The following STAG1 variants were observed in gnomAD, a reference collection of about 807,000 sequenced individuals.
The protein encoded by STAG1 is STAG1 cohesin complex component, also known as cohesin subunit SA-1.
STAG1 carries 26 observed loss-of-function variants against 170.9 expected under a neutral mutation model. That is an observed-to-expected ratio of 0.15 (90% CI 0.11 to 0.21). The LOEUF is 0.21. Ranked by LOEUF, STAG1 falls within the 10% of genes least tolerant of loss-of-function variation. STAG1 has a pLI of 1.00. For synonymous variants in STAG1, 514 were observed against 497.7 expected, an observed-to-expected ratio of 1.03 and a Z score of -0.44; for missense variants, 964 against 1,509.5, an observed-to-expected ratio of 0.64 and a Z score of 5.99.
intron 10 of STAG1, among the ~76,000 whole-genome samples, chr3:136,476,397 G>T (rs764179863): frequency 6.6e-6 from 1 of 152,204 alleles, no homozygotes; most frequent in Non-Finnish European, 1.5e-5. Flanking sequence ...CACAATAATT[G>T]CAATAGGCAG....
chr3:136,646,719 A>AAG (rs1941030795), intron 1 of STAG1, among the ~76,000 whole-genome samples: 1 of 152,128 alleles, frequency 6.6e-6, no homozygotes, highest in Non-Finnish European at 1.5e-5. Flanking sequence ...CAGCCTGGCC[A>AAG]ACATGGTGAA....
intron 1 of STAG1, among the ~76,000 whole-genome samples, chr3:136,711,056 G>GA (rs995028492): frequency 6.7e-6 from 1 of 148,232 alleles, no homozygotes; most frequent in Non-Finnish European, 1.5e-5. Flanking sequence ...CTTACAAAAA[G>GA]AAAAATATAT....
At chr3:136,495,670 T>TA (rs71626003) in intron 9 of STAG1, among the ~76,000 whole-genome samples, 55,244 of 151,238 alleles carry the variant, frequency 0.37, 11,134 homozygotes, top group African/African-American at 0.53. Context: ...CCGCCTCTAT[T>TA]AAAAATACAA....
intron 10 of STAG1, among the ~76,000 whole-genome samples, chr3:136,476,057 A>C (rs1481384240): frequency 6.6e-6 from 1 of 152,170 alleles, no homozygotes; most frequent in Non-Finnish European, 1.5e-5. Flanking sequence ...ATGCAGTGAG[A>C]ATCTTGAACT....
intron 4 of STAG1, among the ~76,000 whole-genome samples, chr3:136,575,103 C>T (rs926594903): frequency 4.6e-5 from 7 of 152,018 alleles, no homozygotes; most frequent in African/African-American, 1.7e-4. Flanking sequence ...CTGTTGAATC[C>T]ACCTACAGTA....
At position 136,488,229 on chromosome 3, in the gene STAG1, T is replaced by G. The variant is rs1323332864; in HGVS notation, c.903-10817A>C. ...CCTCCACCTCCTGGGTTCAAGTGAT[T>G]CTCCTGCCTCAGCCTCCCGAGTAGC... On this transcript the variant is annotated intron_variant, in intron 9 of 33. Coordinates refer to ENST00000383202, the MANE Select transcript of STAG1 (RefSeq NM_005862.3). 2.0e-5 allele frequency among the ~76,000 whole-genome samples: 3 copies of G among 152,214 alleles called. No homozygotes were observed. In the East Asian group the frequency reaches 5.8e-4, roughly 29 times the overall value.
intron 15 of STAG1, among the ~76,000 whole-genome samples, chr3:136,441,813 T>C (rs1424260449): frequency 6.6e-6 from 1 of 152,062 alleles, no homozygotes; most frequent in African/African-American, 2.4e-5. Context: ...CACAAGGAAA[T>C]AATCTCTGTT....
At chr3:136,568,743 C>T (rs759127778) in intron 5 of STAG1, 22 bp downstream of exon 5, 2 of 1,563,794 alleles carry the variant, frequency 1.3e-6, no homozygotes, top group South Asian at 2.2e-5. Flanking sequence ...CAATGTACAT[C>T]ATTTATTTCA....
intron 1 of STAG1, among the ~76,000 whole-genome samples, chr3:136,711,358 C>T (rs924793530): frequency 3.9e-5 from 6 of 151,996 alleles, no homozygotes; most frequent in African/African-American, 1.4e-4. Flanking sequence ...AAAGAACAAG[C>T]TGGGCAGCCT....
chr3:136,493,928 T>C (rs1932927248), intron 9 of STAG1, among the ~76,000 whole-genome samples: 1 of 152,118 alleles, frequency 6.6e-6, no homozygotes, highest in African/African-American at 2.4e-5. Flanking sequence ...GAAATAGACA[T>C]ATTGCCTGAG....
Position 136,422,871 on chromosome 3 carries a change from CAAAGAA to C in STAG1, c.1744-20_1744-15del. 6.3e-7 allele frequency: 1 copy of C among 1,597,288 alleles called. No homozygotes were observed. The highest frequency in any genetic ancestry group is 8.5e-7 in the Non-Finnish European group (1 of 1,174,296). ...ATCTGCAGAATACTAGAAGGAGAAG[CAAAGAA>C]AAAGACAGTAACTACTTTAATAGTA... On this transcript the variant is annotated splice_polypyrimidine_tract_variant and intron_variant, in intron 17 of 33. Transcript: ENST00000383202.
chr3:136,479,310 G>A (rs937838010), intron 9 of STAG1, among the ~76,000 whole-genome samples: 2 of 128,754 alleles, frequency 1.6e-5, no homozygotes, highest in African/African-American at 2.9e-5. Context: ...TCCCACCTAT[G>A]AGTGAGAATA....
intron 6 of STAG1, among the ~76,000 whole-genome samples, chr3:136,536,240 A>AT (rs1195711064): frequency 6.6e-6 from 1 of 152,212 alleles, no homozygotes; most frequent in African/African-American, 2.4e-5. Flanking sequence ...TTAAGAGAAT[A>AT]TAACAGGCCC....
At position 136,432,979 on chromosome 3, in the gene STAG1, T is replaced by G. The variant is rs1479780359; in HGVS notation, c.1650+577A>C. Among the ~76,000 whole-genome samples the G allele has an allele frequency of 3.3e-5, 5 of 151,230 alleles. No homozygotes were observed. The East Asian group carries it at 5.8e-4, about 17-fold the overall frequency. On this transcript the variant is annotated intron_variant, in intron 16 of 33. Transcript: ENST00000383202. ...GGAAAAAATATTTCCCAATGTGTGT[T>G]TTTTTTTTAATCTTTGGTGAATTTC...
At chr3:136,527,073 G>A (rs1935072417) in intron 6 of STAG1, among the ~76,000 whole-genome samples, 1 of 152,062 alleles carries the variant, frequency 6.6e-6, no homozygotes, top group Non-Finnish European at 1.5e-5. Flanking sequence ...TATGTGTCTT[G>A]GAGTTGCTCT....
intron 4 of STAG1, among the ~76,000 whole-genome samples, chr3:136,582,731 G>A (rs1363196596): frequency 6.6e-6 from 1 of 152,260 alleles, no homozygotes; most frequent in East Asian, 1.9e-4. Flanking sequence ...CCCAGGAGAC[G>A]GAGGCTGCAG....
chr3:136,391,253 T>C (rs1045525000), intron 22 of STAG1, among the ~76,000 whole-genome samples: 1 of 150,356 alleles, frequency 6.7e-6, no homozygotes, highest in Non-Finnish European at 1.5e-5. Context: ...GCAGAGAGAG[T>C]AGCACAAATA....
At chr3:136,722,512 C>T (rs187484624) in intron 1 of STAG1, among the ~76,000 whole-genome samples, 96 of 152,172 alleles carry the variant, frequency 6.3e-4, no homozygotes, top group African/African-American at 2.3e-3. Context: ...TAGGAGATTA[C>T]AAGTTTTTAA....
intron 4 of STAG1, among the ~76,000 whole-genome samples, chr3:136,572,396 C>A (rs953500762): frequency 6.6e-6 from 1 of 151,710 alleles, no homozygotes; most frequent in Non-Finnish European, 1.5e-5. Context: ...GAGTTTGAGA[C>A]CAGCCTGGGC....
Sources: gnomAD v4.1 joint callset for allele counts (sites outside exome capture counted in the v4.1 genomes callset) on GRCh38, gnomAD v4.1.1 for gene constraint, MANE v1.5 for transcripts, NCBI Gene and HGNC (gene_info 2026-07-23, HGNC 2026-07-21) for gene names.